The following FARP1 variants were observed in gnomAD, a reference collection of about 807,000 sequenced individuals.
FARP1 encodes FERM, ARHGEF and pleckstrin domain-containing protein 1.
FARP1 carries 52 observed loss-of-function variants against 128.8 expected under a neutral mutation model. The observed-to-expected ratio is 0.40, with a 90% CI of 0.32 to 0.51. FARP1 has a LOEUF of 0.51. Among genes scored for constraint, FARP1 ranks in the 20% least tolerant of loss-of-function variants. The probability of loss-of-function intolerance (pLI) is 0.45; values close to 1 mark genes in which losing one functional copy is unlikely to be tolerated. For synonymous variants in FARP1, 580 were observed against 551.8 expected (o/e 1.05, Z -0.72); for missense variants, 1,333 against 1,367.9 (o/e 0.97, Z 0.40).
intron 2 of FARP1, among the ~76,000 whole-genome samples, chr13:98,339,985 G>A (rs536720286): frequency 6.6e-6 from 1 of 152,100 alleles, no homozygotes; most frequent in East Asian, 1.9e-4. Context: ...CTGCTGACTC[G>A]TTGGAGTACC....
In FARP1 at chr13:98,143,203, G is replaced by C. The variant is rs1594190601; in HGVS notation, c.-313G>C. Reference sequence around the variant, plus strand: ...ACGCGGCCGCTGCCCGCTTTGCGCCGCTCCTCCCTGCGCGAGTAGCGCTGG... The same window carrying C: ...ACGCGGCCGCTGCCCGCTTTGCGCCCCTCCTCCCTGCGCGAGTAGCGCTGG... On this transcript the variant is annotated 5_prime_UTR_variant, in exon 1 of 27. Coordinates refer to ENST00000319562, the MANE Select transcript of FARP1 (RefSeq NM_005766.4). The C allele has an allele frequency of 6.7e-6, 1 of 148,644 alleles. No homozygotes were observed. Among genetic ancestry groups the C allele is most frequent in the Non-Finnish European group, 1.5e-5 (1 of 66,596 alleles). 9.2% of individuals were successfully genotyped at this position (148,644 alleles called of 1,614,324 possible). A position where few individuals can be genotyped will look rare whatever the true frequency, so the allele number is the denominator to read the frequency against.
intron 2 of FARP1, among the ~76,000 whole-genome samples, chr13:98,278,069 G>GTC (rs1277742853): frequency 2.6e-5 from 4 of 151,450 alleles, no homozygotes; most frequent in African/African-American, 7.3e-5. Flanking sequence ...GTTTTAAATG[G>GTC]AGCTTAAGGG....
At chr13:98,250,211 CT>C (rs1883254820) in intron 2 of FARP1, among the ~76,000 whole-genome samples, 1 of 152,134 alleles carries the variant, frequency 6.6e-6, no homozygotes, top group African/African-American at 2.4e-5. Context: ...GTCTGTCATT[CT>C]TTAAAATGCC....
At chr13:98,392,323 CAAAAAAAAAAAAAA>C (rs11289484) in intron 11 of FARP1, among the ~76,000 whole-genome samples, 3 of 60,410 alleles carry the variant, frequency 5.0e-5, no homozygotes, top group African/African-American at 6.6e-5. Flanking sequence ...CATCTCTACC[CAAAAAAAAAAAAAA>C]AAAAAAAAAA....
intron 1 of FARP1, among the ~76,000 whole-genome samples, chr13:98,184,174 G>T (rs796600330): frequency 1.4e-4 from 21 of 152,230 alleles, no homozygotes; most frequent in African/African-American, 5.1e-4. Context: ...CCGGAGAGTG[G>T]TGGTGAGATC....
chr13:98,281,510 C>T (rs1884936681), intron 2 of FARP1, among the ~76,000 whole-genome samples: 1 of 152,178 alleles, frequency 6.6e-6, no homozygotes, highest in African/African-American at 2.4e-5. Context: ...TTATTGCCCT[C>T]CTGTCAGGGA....
At chr13:98,411,098 A>G (rs1281604063) in intron 15 of FARP1, among the ~76,000 whole-genome samples, 1 of 152,264 alleles carries the variant, frequency 6.6e-6, no homozygotes, top group African/African-American at 2.4e-5. Context: ...TGTGTGCACC[A>G]GTCCAGAACA....
At chr13:98,414,791 C>T (rs532469956) in intron 16 of FARP1, among the ~76,000 whole-genome samples, 6 of 152,324 alleles carry the variant, frequency 3.9e-5, no homozygotes, top group African/African-American at 1.4e-4. Context: ...CTACACCACA[C>T]TCGGCTTTCA....
chr13:98,287,204 A>AGGCCTT (rs1327624660), intron 2 of FARP1, among the ~76,000 whole-genome samples: 33 of 114,838 alleles, frequency 2.9e-4, no homozygotes, highest in South Asian at 8.1e-4. Context: ...ACCATCAGAC[A>AGGCCTT]TGTCTTTTTT....
chr13:98,327,670 A>C (rs1887294189), intron 2 of FARP1, among the ~76,000 whole-genome samples: 3 of 152,236 alleles, frequency 2.0e-5, no homozygotes, highest in Non-Finnish European at 2.9e-5. Context: ...CCAAGACCCC[A>C]GTGGATGCCT....
At chr13:98,297,399 C>T (rs934922388) in intron 2 of FARP1, among the ~76,000 whole-genome samples, 6 of 152,118 alleles carry the variant, frequency 3.9e-5, no homozygotes, top group South Asian at 2.1e-4. Context: ...ATGAAGTAGC[C>T]GCTTAATTAT....
intron 17 of FARP1, among the ~76,000 whole-genome samples, chr13:98,427,530 G>T (rs1195081314): frequency 6.6e-6 from 1 of 152,240 alleles, no homozygotes; most frequent in Non-Finnish European, 1.5e-5. Context: ...GCAGAGACCT[G>T]CCAGGTTCAT....
At chr13:98,167,112 A>C (rs1281452550) in intron 1 of FARP1, among the ~76,000 whole-genome samples, 2 of 152,094 alleles carry the variant, frequency 1.3e-5, no homozygotes, top group Non-Finnish European at 2.9e-5. Context: ...TCGACAAGCC[A>C]TTGGTATTTT....
chr13:98,349,435 G>A (rs9513402), intron 3 of FARP1, among the ~76,000 whole-genome samples: 28,340 of 152,034 alleles, frequency 0.19, 2,899 homozygotes, highest in Non-Finnish European at 0.24. Flanking sequence ...ACTTTGGGAG[G>A]CCGAGGCAGG....
At chr13:98,172,577 G>A (rs1877729189) in intron 1 of FARP1, among the ~76,000 whole-genome samples, 1 of 152,162 alleles carries the variant, frequency 6.6e-6, no homozygotes, top group Admixed American at 6.5e-5. Context: ...TTACCTGTTA[G>A]CCCTTAACCT....
intron 3 of FARP1, among the ~76,000 whole-genome samples, chr13:98,354,907 A>C (rs1210276375): frequency 6.6e-6 from 1 of 152,232 alleles, no homozygotes; most frequent in Non-Finnish European, 1.5e-5. Flanking sequence ...ATTGAAATGT[A>C]ATCTAAGTAT....
chr13:98,355,112 C>T (rs148404986), intron 3 of FARP1, among the ~76,000 whole-genome samples: 59 of 152,244 alleles, frequency 3.9e-4, no homozygotes, highest in Non-Finnish European at 6.3e-4. Context: ...CTTTGGGTGG[C>T]TGAGGCATGT....
At chr13:98,194,271 C>A (rs1275898091) in intron 1 of FARP1, among the ~76,000 whole-genome samples, 1 of 152,130 alleles carries the variant, frequency 6.6e-6, no homozygotes, top group African/African-American at 2.4e-5. Flanking sequence ...CGCCTGCTAC[C>A]ATGCCTGGCT....
At chr13:98,446,849 G>A (rs773144338) in intron 26 of FARP1, 32 bp downstream of exon 26, 18 of 1,609,764 alleles carry the variant, frequency 1.1e-5, no homozygotes, top group South Asian at 2.2e-5. Context: ...ACAGGGCCCT[G>A]CAGAAGAGGA....
Sources: allele counts gnomAD v4.1 joint callset (sites outside exome capture counted in the v4.1 genomes callset), GRCh38; gene constraint gnomAD v4.1.1; transcripts MANE v1.5; gene names NCBI Gene and HGNC (gene_info 2026-07-23, HGNC 2026-07-21).